GRIN2A: variants seen among roughly 807,000 people sequenced by gnomAD.
GRIN2A encodes the protein glutamate ionotropic receptor NMDA type subunit 2A.
GRIN2A carries 22 observed loss-of-function variants against 113.4 expected under a neutral mutation model. That is an observed-to-expected ratio of 0.19 (90% CI 0.14 to 0.28). The LOEUF (loss-of-function observed/expected upper bound fraction) is 0.28. GRIN2A is among the 10% of genes least tolerant of loss of function. The pLI is 1.00. For missense variants in GRIN2A, 1,502 were observed against 1,887.0 expected, an observed-to-expected ratio of 0.80 and a Z score of 3.78; for synonymous variants, 827 against 738.4, an observed-to-expected ratio of 1.12 and a Z score of -1.94.
intron 5 of GRIN2A, among the ~76,000 whole-genome samples, chr16:9,846,230 G>A (rs913588199): frequency 6.6e-6 from 1 of 152,120 alleles, no homozygotes; most frequent in Non-Finnish European, 1.5e-5. Context: ...GGAGAGTGGA[G>A]GCTGGGGGAC....
At chr16:9,840,833 AGAGAG>A (rs1282595098) in intron 6 of GRIN2A, 33 bp from the exon 7 acceptor site, 1 of 1,080,306 alleles carries the variant, frequency 9.3e-7, no homozygotes, top group Non-Finnish European at 1.2e-6. Context: ...AAAAAAAAAA[AGAGAG>A]AGAGAGAACA....
chr16:10,057,012 C>T (rs994070099), intron 2 of GRIN2A, among the ~76,000 whole-genome samples: 1 of 152,090 alleles, frequency 6.6e-6, no homozygotes, highest in Non-Finnish European at 1.5e-5. Flanking sequence ...CTCCACCCCT[C>T]CAGCCTTCTA....
At chr16:10,116,674 A>T (rs910771783) in intron 2 of GRIN2A, among the ~76,000 whole-genome samples, 1 of 152,164 alleles carries the variant, frequency 6.6e-6, no homozygotes, top group Non-Finnish European at 1.5e-5. Flanking sequence ...AGCAGCAGGG[A>T]AATTCATGGG....
At chr16:10,116,306 G>C (rs1037438147) in intron 2 of GRIN2A, among the ~76,000 whole-genome samples, 4 of 152,170 alleles carry the variant, frequency 2.6e-5, no homozygotes, top group Admixed American at 6.5e-5. Context: ...ACACACACCA[G>C]AGTCTGTTGG....
chr16:10,000,699 AT>A (rs1366996070), intron 2 of GRIN2A, among the ~76,000 whole-genome samples: 4 of 152,306 alleles, frequency 2.6e-5, no homozygotes, highest in African/African-American at 9.6e-5. Context: ...CCTATCCATC[AT>A]GCTTCTTTGG....
chr16:10,111,039 A>C (rs2048603556), intron 2 of GRIN2A, among the ~76,000 whole-genome samples: 1 of 152,258 alleles, frequency 6.6e-6, no homozygotes. Context: ...AATTAAGTGG[A>C]GCTAAGAATA....
intron 2 of GRIN2A, among the ~76,000 whole-genome samples, chr16:9,972,056 A>C (rs1250112432): frequency 6.6e-6 from 1 of 152,162 alleles, no homozygotes; most frequent in African/African-American, 2.4e-5. Flanking sequence ...CAGAATATAA[A>C]AACCCCAGAA....
chr16:10,182,795 C>T (rs45467098), upstream of GRIN2A: 2,244 of 152,590 alleles, frequency 0.015, 28 homozygotes, highest in African/African-American at 0.028. Context: ...ATCCCTAGCT[C>T]CGCTTCCTGC....
intron 4 of GRIN2A, among the ~76,000 whole-genome samples, chr16:9,889,735 C>T (rs2043655193): frequency 6.6e-6 from 1 of 152,078 alleles, no homozygotes; most frequent in African/African-American, 2.4e-5. Flanking sequence ...AGTGTGTTGC[C>T]ATTTCCAAAT....
chr16:9,788,462 T>C (rs1313099034), intron 11 of GRIN2A, among the ~76,000 whole-genome samples: 2 of 152,052 alleles, frequency 1.3e-5, no homozygotes, highest in Non-Finnish European at 2.9e-5. Context: ...TTTGCCATGT[T>C]GGCCAGGCTG....
At chr16:9,914,495 AACAGC>A (rs1246980381) in intron 3 of GRIN2A, among the ~76,000 whole-genome samples, 1 of 152,246 alleles carries the variant, frequency 6.6e-6, no homozygotes, top group Non-Finnish European at 1.5e-5. Flanking sequence ...CTGGCTTCTG[AACAGC>A]ACAGGCTATT....
chr16:9,827,176 G>T (rs2042402213), intron 9 of GRIN2A, among the ~76,000 whole-genome samples: 1 of 152,246 alleles, frequency 6.6e-6, no homozygotes, highest in Admixed American at 6.5e-5. Flanking sequence ...AGCAGGCACC[G>T]TGAGGTGACA....
In GRIN2A at chr16:9,905,883, G is replaced by A. The variant is rs202023731; in HGVS notation, c.1008-14783C>T. Among the ~76,000 whole-genome samples, 85 of 152,224 alleles carry A rather than the reference G, an allele frequency of 5.6e-4. 1 individual carries two copies. Among genetic ancestry groups the A allele is most frequent in the African/African-American group, 1.8e-3 (74 of 41,528 alleles). The stretch of plus-strand genomic sequence containing the variant: ...ACCAATGTAATAGTGACTCTCCTTC[G>A]TCGAGGAATGTTGCCTCACCTTATG... On this transcript the variant is annotated intron_variant, in intron 3 of 12. Transcript: ENST00000330684.
At chr16:10,071,579 T>C (rs546057342) in intron 2 of GRIN2A, among the ~76,000 whole-genome samples, 11 of 152,242 alleles carry the variant, frequency 7.2e-5, no homozygotes, top group Non-Finnish European at 1.3e-4. Context: ...GCTGTGCCTA[T>C]AGAAAGGGAT....
At chr16:10,080,590 G>C (rs998906795) in intron 2 of GRIN2A, among the ~76,000 whole-genome samples, 2 of 152,190 alleles carry the variant, frequency 1.3e-5, no homozygotes, top group Admixed American at 6.5e-5. Context: ...GTCATGCAGA[G>C]GCTGAAGGCT....
intron 2 of GRIN2A, among the ~76,000 whole-genome samples, chr16:10,175,357 A>C (rs1292008907): frequency 2.0e-5 from 3 of 152,230 alleles, no homozygotes; most frequent in African/African-American, 7.2e-5. Flanking sequence ...AATTAAAGAA[A>C]ATCTTGAATC....
At chr16:9,872,619 T>C (rs2043287571) in intron 4 of GRIN2A, among the ~76,000 whole-genome samples, 1 of 152,140 alleles carries the variant, frequency 6.6e-6, no homozygotes, top group Admixed American at 6.5e-5. Context: ...GTGGTATATA[T>C]ACACAATGAA....
In GRIN2A at chr16:10,084,211, T is replaced by C. The variant is rs2048041315; in HGVS notation, c.414+95787A>G. Among the ~76,000 whole-genome samples, 3 of 152,194 alleles carry C rather than the reference T, an allele frequency of 2.0e-5. No homozygotes were observed. In the South Asian group the frequency reaches 6.2e-4, roughly 32 times the overall value. On this transcript the variant is annotated intron_variant, in intron 2 of 12. Transcript: ENST00000330684. ...CACACAGTAAACACTCAATGACTATTTATATTCTTTACTGAGCACCTACTA... is the reference window on the plus strand; with the variant it reads ...CACACAGTAAACACTCAATGACTATCTATATTCTTTACTGAGCACCTACTA...
chr16:9,888,073 TG>T (rs2043619897), intron 4 of GRIN2A, among the ~76,000 whole-genome samples: 1 of 152,192 alleles, frequency 6.6e-6, no homozygotes, highest in Non-Finnish European at 1.5e-5. Context: ...CCCAAGCAGC[TG>T]GGACTACAGG....
Sources: allele counts gnomAD v4.1 joint callset (sites outside exome capture counted in the v4.1 genomes callset), GRCh38; gene constraint gnomAD v4.1.1; transcripts MANE v1.5; gene names NCBI Gene and HGNC (gene_info 2026-07-23, HGNC 2026-07-21).